The following USP40 variants were observed in gnomAD, a reference collection of about 807,000 sequenced individuals.
USP40 encodes ubiquitin specific peptidase 40, also known as ubiquitin carboxyl-terminal hydrolase 40.
USP40 carries 143 observed loss-of-function variants against 166.2 expected under a neutral mutation model. That is an observed-to-expected ratio of 0.86 (90% CI 0.75 to 0.99). USP40 has a LOEUF of 0.99. USP40 is among the 50% of genes least tolerant of loss of function. The pLI, the probability that USP40 is intolerant of heterozygous loss-of-function variation, is 0.00. For missense variants in USP40, 1,444 were observed against 1,479.7 expected (o/e 0.98, Z 0.40); for synonymous variants, 498 against 524.0 (o/e 0.95, Z 0.68).
rs1235393778 is a variant in USP40 at position 233,513,440 on chromosome 2, C to T, written c.2384-818G>A. On this transcript the variant is annotated intron_variant, in intron 18 of 31. Coordinates refer to ENST00000678225, the MANE Select transcript of USP40 (RefSeq NM_001365479.2). Reference sequence around the variant, plus strand: ...ATGAAGTGTACATGCAGTGACAAACCACCAGACTTGAAAGAAATGAAGTCA... The same window carrying T: ...ATGAAGTGTACATGCAGTGACAAACTACCAGACTTGAAAGAAATGAAGTCA... Among the ~76,000 whole-genome samples, 8 of 152,126 alleles carry T rather than the reference C, an allele frequency of 5.3e-5. 1 individual carries two copies. The highest frequency in any genetic ancestry group is 1.5e-5 in the Non-Finnish European group (1 of 68,028).
intron 5 of USP40, among the ~76,000 whole-genome samples, chr2:233,556,325 G>C (rs995310612): frequency 6.6e-6 from 1 of 151,970 alleles, no homozygotes; most frequent in Non-Finnish European, 1.5e-5. Context: ...GGCAATATGT[G>C]TCATTACAAA....
chr2:233,484,386 A>G (rs2064813698), intron 30 of USP40, among the ~76,000 whole-genome samples: 1 of 151,900 alleles, frequency 6.6e-6, no homozygotes, highest in Admixed American at 6.6e-5. Context: ...GTTTTTGTAT[A>G]TTCTCCAGAA....
At chr2:233,504,796 T>C (rs2066303936) in intron 21 of USP40, among the ~76,000 whole-genome samples, 1 of 151,942 alleles carries the variant, frequency 6.6e-6, no homozygotes, top group Non-Finnish European at 1.5e-5. Context: ...AATGGAAAGA[T>C]CATCGAGACA....
At chr2:233,554,591 C>G (rs1264533442) in intron 5 of USP40, 65 bp from the exon 6 acceptor site, 1 of 1,299,872 alleles carries the variant, frequency 7.7e-7, no homozygotes, top group East Asian at 2.5e-5. Context: ...ATCATCAACT[C>G]ACATATATAT....
Sources: gnomAD v4.1 joint callset for allele counts (sites outside exome capture counted in the v4.1 genomes callset) on GRCh38, gnomAD v4.1.1 for gene constraint, MANE v1.5 for transcripts, NCBI Gene and HGNC (gene_info 2026-07-23, HGNC 2026-07-21) for gene names.